The following CNTN6 variants were observed in gnomAD, a reference collection of about 807,000 sequenced individuals.
CNTN6 encodes contactin-6.
In CNTN6, 137 loss-of-function variants were observed where a neutral mutation model predicts 122.8. The ratio of observed to expected loss-of-function variants is 1.12; its 90% CI spans 0.97 to 1.29. The LOEUF (loss-of-function observed/expected upper bound fraction) is 1.29. CNTN6 is among the 50% of genes most tolerant of loss of function. The pLI is 0.00. For missense variants in CNTN6, 1,634 were observed against 1,223.4 expected (o/e 1.34, Z -5.01); for synonymous variants, 570 against 426.0 (o/e 1.34, Z -4.16).
At chr3:1,394,839 T>C (rs1576084469) in intron 20 of CNTN6, among the ~76,000 whole-genome samples, 1 of 152,154 alleles carries the variant, frequency 6.6e-6, no homozygotes, top group Non-Finnish European at 1.5e-5. Context: ...TATGATCAAT[T>C]TGTCAAAGAG....
chr3:1,248,468 C>G (rs1202134777), intron 4 of CNTN6, among the ~76,000 whole-genome samples: 1 of 152,052 alleles, frequency 6.6e-6, no homozygotes, highest in Non-Finnish European at 1.5e-5. Flanking sequence ...ATAGAAGCTA[C>G]TATTATAATT....
intron 1 of CNTN6, among the ~76,000 whole-genome samples, chr3:1,115,043 T>G (rs928597721): frequency 1.6e-4 from 25 of 152,224 alleles, no homozygotes; most frequent in African/African-American, 5.8e-4. Context: ...TGTAGGTAAA[T>G]TGAGCTGCAG....
chr3:1,316,727 GTTATTA>G (rs141412602), intron 7 of CNTN6, among the ~76,000 whole-genome samples: 11,939 of 151,786 alleles, frequency 0.079, 585 homozygotes, highest in Middle Eastern at 0.12. Context: ...TATTGTAATT[GTTATTA>G]TTATTATTAA....
chr3:1,287,885 C>T (rs1694617900), intron 5 of CNTN6, among the ~76,000 whole-genome samples: 1 of 152,188 alleles, frequency 6.6e-6, no homozygotes, highest in Admixed American at 6.5e-5. Context: ...AATGAATGTT[C>T]CTCCCCATGT....
intron 2 of CNTN6, among the ~76,000 whole-genome samples, chr3:1,208,645 A>T (rs2093991037): frequency 6.6e-6 from 1 of 152,070 alleles, no homozygotes; most frequent in Non-Finnish European, 1.5e-5. Flanking sequence ...TTCTGGAGTC[A>T]GTTTGCCTAG....
In CNTN6 at chr3:1,337,519, C is replaced by T. The variant is rs189522385; in HGVS notation, c.1364+7584C>T. 2.0e-5 allele frequency among the ~76,000 whole-genome samples: 3 copies of T among 152,196 alleles called. No homozygotes were observed. In the East Asian group the frequency reaches 5.8e-4, roughly 30 times the overall value. ...CCCCTTCCTCCTCTTTGCAGAGCTT[C>T]CTAATGGAACAAGCAAATAAACTTA... On this transcript the variant is annotated intron_variant, in intron 11 of 22. Transcript: ENST00000446702.
chr3:1,288,872 C>T (rs1314475833), intron 5 of CNTN6, among the ~76,000 whole-genome samples: 5 of 152,132 alleles, frequency 3.3e-5, no homozygotes, highest in African/African-American at 9.7e-5. Context: ...CTTGAGAGAG[C>T]AGCAGATAGA....
chr3:1,395,080 C>G (rs1694823061), intron 20 of CNTN6, among the ~76,000 whole-genome samples: 1 of 152,090 alleles, frequency 6.6e-6, no homozygotes, highest in African/African-American at 2.4e-5. Context: ...TCTTACCAGC[C>G]TGTATGCTTC....
chr3:1,142,968 G>GTGTGTGTA (rs1217250181), intron 1 of CNTN6, among the ~76,000 whole-genome samples: 2 of 128,654 alleles, frequency 1.6e-5, no homozygotes, highest in African/African-American at 6.2e-5. Context: ...GTGTGTGTGT[G>GTGTGTGTA]TATATATATA....
In CNTN6 at chr3:1,327,486, C is replaced by T. The variant is rs748663860; in HGVS notation, c.1113C>T (p.Leu371=). Residue 371 remains leucine (L), a synonymous_variant, in exon 10 of 23, where the codon CTC becomes CTT. Transcript: ENST00000446702. The part of the protein sequence containing the change: ...EERIQIENGT[L]IITMLNVSDS... The stretch of plus-strand genomic sequence containing the variant: ...GAATTCAAATAGAAAATGGGACACT[C>T]ATCATAACGATGCTGAATGTGTCAG... The T allele has an allele frequency of 1.2e-6, 2 of 1,610,668 alleles. No individual in the cohort carries two copies. Among genetic ancestry groups the T allele is most frequent in the South Asian group, 1.1e-5 (1 of 90,970 alleles).
rs1426502185 is a variant in CNTN6 at position 1,212,496 on chromosome 3, CATGTGTGTATATATATACAT to C, written c.56-8182_56-8163del. The stretch of plus-strand genomic sequence containing the variant: ...ACATACATGTGTGTGTATATATATA[CATGTGTGTATATATATACAT>C]ATGTGTGTGTATATATATACACACA... On this transcript the variant is annotated intron_variant, in intron 2 of 22. Coordinates refer to ENST00000446702, the MANE Select transcript of CNTN6 (RefSeq NM_001289080.2). 8.3e-5 allele frequency among the ~76,000 whole-genome samples: 10 copies of C among 119,992 alleles called. No homozygotes were observed. In the South Asian group the frequency reaches 3.7e-3, roughly 45 times the overall value. The allele number at this position is 119,992 out of a possible 152,430, so 78.7% of individuals were successfully genotyped here. A position where few individuals can be genotyped will look rare whatever the true frequency, so the allele number is the denominator to read the frequency against.
At chr3:1,345,848 A>G (rs1704605322) in intron 11 of CNTN6, among the ~76,000 whole-genome samples, 1 of 152,144 alleles carries the variant, frequency 6.6e-6, no homozygotes, top group Non-Finnish European at 1.5e-5. Flanking sequence ...TTAGAGAATC[A>G]ATTAAAATTT....
At chr3:1,222,426 CA>C (rs1210938545) in intron 3 of CNTN6, among the ~76,000 whole-genome samples, 2 of 152,054 alleles carry the variant, frequency 1.3e-5, no homozygotes, top group Non-Finnish European at 2.9e-5. Context: ...ATTCCTATAA[CA>C]TTTTTTGAAA....
intron 1 of CNTN6, among the ~76,000 whole-genome samples, chr3:1,094,557 A>G (rs560014024): frequency 1.5e-4 from 23 of 152,274 alleles, no homozygotes; most frequent in South Asian, 4.1e-4. Context: ...AAATGACTTC[A>G]TTGCATTACT....
chr3:1,214,239 T>C (rs2094093052), intron 2 of CNTN6, among the ~76,000 whole-genome samples: 1 of 151,588 alleles, frequency 6.6e-6, no homozygotes, highest in African/African-American at 2.4e-5. Flanking sequence ...TTATTTTTCA[T>C]ATTAGCTTTT....
intron 2 of CNTN6, among the ~76,000 whole-genome samples, chr3:1,205,531 C>G (rs928621790): frequency 6.6e-6 from 1 of 152,130 alleles, no homozygotes; most frequent in Non-Finnish European, 1.5e-5. Flanking sequence ...TTTTACAAAG[C>G]AATGCCATCA....
chr3:1,398,996 T>C (rs1227028827), intron 20 of CNTN6, among the ~76,000 whole-genome samples: 3 of 152,210 alleles, frequency 2.0e-5, no homozygotes, highest in South Asian at 2.1e-4. Context: ...CTCCTTTACA[T>C]AGCTGGAAGA....
At chr3:1,232,261 C>A (rs2094361515) in intron 4 of CNTN6, among the ~76,000 whole-genome samples, 1 of 152,068 alleles carries the variant, frequency 6.6e-6, no homozygotes, top group Non-Finnish European at 1.5e-5. Flanking sequence ...AAGTTTGCTC[C>A]ATTATTGCAA....
chr3:1,175,965 T>C (rs1323158895), intron 2 of CNTN6, among the ~76,000 whole-genome samples: 2 of 152,322 alleles, frequency 1.3e-5, no homozygotes, highest in Non-Finnish European at 2.9e-5. Context: ...TGGCATTTTC[T>C]GAAATAAAAA....
Sources: allele counts gnomAD v4.1 joint callset (sites outside exome capture counted in the v4.1 genomes callset), GRCh38; gene constraint gnomAD v4.1.1; transcripts MANE v1.5; gene names NCBI Gene and HGNC (gene_info 2026-07-23, HGNC 2026-07-21).